The following AGRN variants were observed in gnomAD, a reference collection of about 807,000 sequenced individuals.
AGRN encodes agrin, also known as agrin proteoglycan.
In AGRN, 106 loss-of-function variants were observed where a neutral mutation model predicts 211.0. That is an observed-to-expected ratio of 0.50 (90% CI 0.43 to 0.59). The LOEUF is 0.59. AGRN is among the 20% of genes least tolerant of loss of function. The pLI is 0.00. For missense variants in AGRN, 3,040 were observed against 2,982.6 expected, an observed-to-expected ratio of 1.02 and a Z score of -0.45; for synonymous variants, 1,525 against 1,332.5, an observed-to-expected ratio of 1.14 and a Z score of -3.15.
Position 1,050,422 on chromosome 1 carries a change from C to T in AGRN, c.4977-5C>T. 6.2e-7 allele frequency: 1 copy of T among 1,612,872 alleles called. No homozygotes were observed. Among genetic ancestry groups the T allele is most frequent in the South Asian group, 1.1e-5 (1 of 91,088 alleles). ...CAAAGACACCCCGACTCCCCATGAC[C>T]CCAGGGAGAAGATGGCGCTGGAGGT... On this transcript the variant is annotated splice_region_variant and splice_polypyrimidine_tract_variant and intron_variant, in intron 28 of 35. Coordinates refer to ENST00000379370, the MANE Select transcript of AGRN (RefSeq NM_198576.4).
chr1:1,029,387 A>ATCAGTGTCTATGCAGGCAGGTGGGGGGC (rs1644597575), intron 2 of AGRN, among the ~76,000 whole-genome samples: 1 of 38,866 alleles, frequency 2.6e-5, no homozygotes. Context: ...AGGTGGGGGG[A>ATCAGTGTCTATGCAGGCAGGTGGGGGGC]TCAGTGTCTA....
At chr1:1,027,290 G>A (rs1644542111) in intron 2 of AGRN, among the ~76,000 whole-genome samples, 2 of 152,236 alleles carry the variant, frequency 1.3e-5, no homozygotes, top group Non-Finnish European at 2.9e-5. Context: ...AGCCTCAGAT[G>A]TACCAGCCTG....
At chr1:1,049,138 C>A in intron 24 of AGRN, 79 bp downstream of exon 24, 5 of 725,928 alleles carry the variant, frequency 6.9e-6, no homozygotes. Flanking sequence ...GCCGGGGCAG[C>A]TCAGGTGGGT....
chr1:1,040,553 C>T, intron 3 of AGRN, 112 bp from the exon 4 acceptor site: 1 of 1,304,128 alleles, frequency 7.7e-7, no homozygotes, highest in Non-Finnish European at 1.1e-6. Context: ...ACCCCCGATG[C>T]GGCGCGGGGG....
chr1:1,036,818 G>A (rs1644815657), intron 3 of AGRN, among the ~76,000 whole-genome samples: 1 of 152,218 alleles, frequency 6.6e-6, no homozygotes, highest in Non-Finnish European at 1.5e-5. Flanking sequence ...TGGCCAAGGT[G>A]ATTGAGGCCT....
chr1:1,050,645 G>A (rs1200814735), intron 29 of AGRN, 54 bp downstream of exon 29: 29 of 1,603,436 alleles, frequency 1.8e-5, no homozygotes, highest in African/African-American at 2.7e-5. Context: ...CGGGGCCGGG[G>A]CACCAGCAGG....
chr1:1,047,368 G>C lies in AGRN; in HGVS notation c.3430G>C (p.Glu1144Gln). Residue 1144 changes from glutamate (E) to glutamine (Q), a missense_variant, in exon 20 of 36, where the codon GAG (glutamate) becomes CAG (glutamine). Transcript: ENST00000379370. ...FQGVLELEGV[E>Q]GQELFYTPEM... Reference sequence around the variant, plus strand: ...GGGCGTCCTGGAGCTGGAGGGCGTCGAGGGCCAGGAGCTGTTCTACACGCC... The same window carrying C: ...GGGCGTCCTGGAGCTGGAGGGCGTCCAGGGCCAGGAGCTGTTCTACACGCC... The C allele has an allele frequency of 6.2e-7, 1 of 1,609,916 alleles. No individual in the cohort carries two copies. Among genetic ancestry groups the C allele is most frequent in the Admixed American group, 1.7e-5 (1 of 59,596 alleles).
chr1:1,024,936 C>T (rs1013584490), intron 2 of AGRN, among the ~76,000 whole-genome samples: 1 of 152,216 alleles, frequency 6.6e-6, no homozygotes, highest in East Asian at 1.9e-4. Flanking sequence ...GCCTGGCCTC[C>T]GCAGTGCCAG....
At chr1:1,021,825 G>T (rs1350226952) in intron 1 of AGRN, among the ~76,000 whole-genome samples, 1 of 152,210 alleles carries the variant, frequency 6.6e-6, no homozygotes, top group Admixed American at 6.5e-5. Flanking sequence ...GCCCAAGCTT[G>T]CTGGGAGGTG....
rs1343116368 is a variant in AGRN, at chr1:1,045,852, C to G, written c.2656C>G (p.Leu886Val). The G allele has an allele frequency of 6.2e-7, 1 of 1,611,398 alleles. No homozygotes were observed. Among genetic ancestry groups the G allele is most frequent in the Middle Eastern group, 1.7e-4 (1 of 6,060 alleles). Residue 886 changes from leucine to valine, a missense_variant, in exon 15 of 36, where the codon CTG becomes GTG. Physicochemically the swap from Leu to Val is conservative, Grantham distance 32. This residue lies in a region of AGRN where 1,498 missense variants were observed against 1,457.8 expected (regional missense o/e 1.03). Transcript: ENST00000379370. ...KCGQCPDGRA[L>V]GPAGCEADAS... ...TGGGCAGTGTCCAGACGGCCGTGCC[C>G]TGGGCCCCGCGGGCTGTGAAGCTGG...
rs565447598 is a variant in AGRN, at chr1:1,047,630, C to T, written c.3574C>T (p.Arg1192Trp). ...GAAGGATTTTCGGAGTGTCCGCTTG[C>T]GGGACCTGGGGCCCGGCAAATCCGT... ...VKKDFRSVRL[R>W]DLGPGKSVRA... Residue 1192 changes from arginine (R) to tryptophan (W), a missense_variant, in exon 21 of 36, where the codon CGG becomes TGG. Arg to Trp is a moderately radical substitution (Grantham distance 101). Around this residue, in one of 3 missense-constraint regions of AGRN, gnomAD observed 1,537 missense variants for 1,505.0 expected, o/e 1.02. Coordinates refer to ENST00000379370, the MANE Select transcript of AGRN (RefSeq NM_198576.4). The T allele has an allele frequency of 6.2e-6, 10 of 1,612,964 alleles. No homozygotes were observed. The highest frequency in any genetic ancestry group is 1.6e-4 in the Middle Eastern group (1 of 6,084).
At chr1:1,047,160 C>G in intron 19 of AGRN, 167 bp from the exon 20 acceptor site, 1 of 1,356,910 alleles carries the variant, frequency 7.4e-7, no homozygotes, top group Non-Finnish European at 9.8e-7. Context: ...AGGAGTCCTC[C>G]TGGTAACCGA....
In AGRN at chr1:1,028,320, G is replaced by GCCCCCCCCCCC. The variant is rs77046272; in HGVS notation, c.463+5864_463+5874dup. Among the ~76,000 whole-genome samples the GCCCCCCCCCCC allele has an allele frequency of 7.0e-4, 74 of 105,108 alleles. 1 individual carries two copies. The highest frequency in any genetic ancestry group is 2.6e-3 in the African/African-American group (63 of 24,568). 69.0% of individuals were successfully genotyped at this position (105,108 alleles called of 152,430 possible). ...GCCGTTCTCTCTCCCGTGGGGAAACGCCCCCCCCCCCCCCCCGCCCTGCAC... is the reference window on the plus strand; with the variant it reads ...GCCGTTCTCTCTCCCGTGGGGAAACGCCCCCCCCCCCCCCCCCCCCCCCCCCCGCCCTGCAC... On this transcript the variant is annotated intron_variant, in intron 2 of 35. Coordinates refer to ENST00000379370, the MANE Select transcript of AGRN (RefSeq NM_198576.4).
intron 27 of AGRN, 37 bp downstream of exon 27, chr1:1,050,074 G>T (rs755861280): frequency 2.0e-6 from 3 of 1,519,104 alleles, no homozygotes; most frequent in Non-Finnish European, 2.7e-6. Flanking sequence ...GGGGGGGGGG[G>T]GGGGTTGAAC....
intron 2 of AGRN, 106 bp from the exon 3 acceptor site, chr1:1,035,171 G>A (rs80124228): frequency 1.3e-3 from 71 of 53,920 alleles, no homozygotes; most frequent in South Asian, 3.9e-4. Context: ...GCTAGCGGTG[G>A]GGGGGGGGGG....
Position 1,032,067 on chromosome 1 carries a change from A to G in AGRN, c.464-3210A>G, listed in dbSNP as rs1644687494. On this transcript the variant is annotated intron_variant, in intron 2 of 35. Transcript: ENST00000379370. The surrounding 1 kb of genome is among the most constrained non-coding windows in gnomAD (Gnocchi z 4.7). ...GGAACACTGTCAGCCTGGTGTGGAC[A>G]GTGCCAAGGTCCAGCAGGGTGGGGT... Among the ~76,000 whole-genome samples, 1 of 152,226 alleles carries G rather than the reference A, an allele frequency of 6.6e-6. No homozygotes were observed. The highest frequency in any genetic ancestry group is 2.1e-4 in the South Asian group (1 of 4,826).
At chr1:1,053,294 C>A in intron 33 of AGRN, 1 of 473,546 alleles carries the variant, frequency 2.1e-6, no homozygotes, top group Non-Finnish European at 3.4e-6. Context: ...TCCGCACAAG[C>A]ATGTGTAGGT....
chr1:1,024,098 A>G (rs1644467414), intron 2 of AGRN, among the ~76,000 whole-genome samples: 2 of 152,056 alleles, frequency 1.3e-5, no homozygotes, highest in South Asian at 4.1e-4. Context: ...GGGAAACAGC[A>G]TGAGGAGTGG....
At position 1,050,014 on chromosome 1, in the gene AGRN, G is replaced by A. The variant is rs753675816; in HGVS notation, c.4856G>A (p.Arg1619His). Residue 1619 changes from arginine to histidine, a missense_variant, in exon 27 of 36, where the codon CGT (arginine) becomes CAT (histidine). By Grantham distance (29) the Arg-to-His change is conservative. Coordinates refer to ENST00000379370, the MANE Select transcript of AGRN (RefSeq NM_198576.4). ...GCTCAGTGCGAGTGCCCCCTGGGGC[G>A]TGAGGGCACCTTCTGCCAGACAGGT... The part of the protein sequence containing the change: ...GGAQCECPLG[R>H]EGTFCQTASG... 2.7e-5 allele frequency: 44 copies of A among 1,607,884 alleles called. No homozygotes were observed. The highest frequency in any genetic ancestry group is 8.8e-5 in the South Asian group (8 of 90,480).
Sources: gnomAD v4.1 joint callset for allele counts (sites outside exome capture counted in the v4.1 genomes callset) on GRCh38, gnomAD v4.1.1 for gene constraint, gnomAD v4.1.1 regional missense constraint, Gnocchi (gnomAD v3.1) non-coding constraint, MANE v1.5 for transcripts, NCBI Gene and HGNC (gene_info 2026-07-23, HGNC 2026-07-21) for gene names.